RTTN: variants seen among roughly 807,000 people sequenced by gnomAD.
The protein encoded by RTTN is rotatin.
A neutral mutation model predicts 269.2 loss-of-function variants in RTTN; 182 were observed. The observed-to-expected ratio is 0.68, with a 90% confidence interval of 0.60 to 0.76. RTTN has a LOEUF of 0.76. Among genes scored for constraint, RTTN ranks in the 30% least tolerant of loss-of-function variants. The pLI, the probability that RTTN is intolerant of heterozygous loss-of-function variation, is 0.00. For synonymous variants in RTTN, 1,006 were observed against 963.5 expected (o/e 1.04, Z -0.82); for missense variants, 2,545 against 2,608.6 (o/e 0.98, Z 0.53).
chr18:70,115,256 C>A (rs2059574661), intron 26 of RTTN, among the ~76,000 whole-genome samples: 1 of 151,982 alleles, frequency 6.6e-6, no homozygotes, highest in South Asian at 2.1e-4. Context: ...TACAATTACA[C>A]AGGACATGAA....
intron 18 of RTTN, among the ~76,000 whole-genome samples, chr18:70,145,131 G>A (rs996366585): frequency 1.3e-5 from 2 of 152,096 alleles, no homozygotes; most frequent in African/African-American, 2.4e-5. Context: ...GGTGTGTGAG[G>A]GATCTTGGCT....
In RTTN at chr18:70,139,894, T is replaced by C. The variant is rs146622969; in HGVS notation, c.2671-178A>G. 7.9e-5 allele frequency: 49 copies of C among 620,524 alleles called. No individual in the cohort carries two copies. In the African/African-American group the frequency reaches 8.2e-4, roughly 10 times the overall value. 38.4% of individuals were successfully genotyped at this position (620,524 alleles called of 1,614,324 possible). ...TGAAAGTAAGTTTCGTATATACTTC[T>C]ATCACCTATCTTATGGAAATTTTAG... On this transcript the variant is annotated intron_variant, in intron 20 of 48. Transcript: ENST00000640769.
chr18:70,043,068 G>C (rs73964476), intron 40 of RTTN, among the ~76,000 whole-genome samples: 4,747 of 152,248 alleles, frequency 0.031, 282 homozygotes, highest in African/African-American at 0.11. Flanking sequence ...ACTGGTGAAT[G>C]GATATCCCAG....
In RTTN at chr18:70,124,913, G is replaced by A. The variant is rs546937408; in HGVS notation, c.3383+2589C>T. Among the ~76,000 whole-genome samples, 7 of 152,094 alleles carry A rather than the reference G, an allele frequency of 4.6e-5. No homozygotes were observed. The South Asian group carries it at 1.2e-3, about 27-fold the overall frequency. On this transcript the variant is annotated intron_variant, in intron 25 of 48. Transcript: ENST00000640769. ...CTTCCAGTAGGAAAGGAGTAGAGAG[G>A]CATTAAACATGCAAACTCAACAGAA...
intron 32 of RTTN, among the ~76,000 whole-genome samples, chr18:70,077,303 A>G (rs2058452765): frequency 6.6e-6 from 1 of 151,964 alleles, no homozygotes. Flanking sequence ...CAGTTACCAC[A>G]ACCCAAAATT....
chr18:70,203,060 G>C (rs2146194577), intron 3 of RTTN, among the ~76,000 whole-genome samples: 1 of 152,092 alleles, frequency 6.6e-6, no homozygotes, highest in Middle Eastern at 3.4e-3. Context: ...CCATGTGCAA[G>C]GCACTATACT....
Position 70,004,228 on chromosome 18 carries a change from T to C in RTTN, c.6604A>G (p.Asn2202Asp), listed in dbSNP as rs1163986942. The C allele has an allele frequency of 1.9e-6, 3 of 1,612,778 alleles. No individual in the cohort carries two copies. The highest frequency in any genetic ancestry group is 1.7e-6 in the Non-Finnish European group (2 of 1,178,918). ...GCATTTAGAGGGTTTGCTTCTGAGTTTGGGAAAGCTGAGATAGAAAAATAA... is the reference window on the plus strand; with the variant it reads ...GCATTTAGAGGGTTTGCTTCTGAGTCTGGGAAAGCTGAGATAGAAAAATAA... ...AYSLAKKTFP[N>D]SEANPLNAYY... is the part of the protein sequence containing the mutation. Residue 2202 changes from asparagine to aspartate, a missense_variant, in exon 49 of 49, where the codon AAC becomes GAC. Physicochemically the swap from Asn to Asp is conservative, Grantham distance 23. Coordinates refer to ENST00000640769, the MANE Select transcript of RTTN (RefSeq NM_173630.4).
intron 28 of RTTN, among the ~76,000 whole-genome samples, chr18:70,103,653 A>G (rs2145378655): frequency 6.6e-6 from 1 of 151,938 alleles, no homozygotes; most frequent in Middle Eastern, 3.4e-3. Context: ...TAGGAAAACC[A>G]GAGACCTTTG....
At chr18:70,089,316 G>A (rs866266059) in intron 30 of RTTN, among the ~76,000 whole-genome samples, 18 of 152,328 alleles carry the variant, frequency 1.2e-4, no homozygotes, top group Middle Eastern at 3.4e-3. Flanking sequence ...GTGCTCCAAG[G>A]AGAGGTCATA....
At chr18:70,091,181 G>A (rs2058835227) in intron 30 of RTTN, among the ~76,000 whole-genome samples, 2 of 152,254 alleles carry the variant, frequency 1.3e-5, no homozygotes, top group African/African-American at 4.8e-5. Context: ...TTGGGAATAA[G>A]TTAAGACTTT....
chr18:70,065,068 T>G (rs2065228566), intron 35 of RTTN, among the ~76,000 whole-genome samples: 1 of 152,090 alleles, frequency 6.6e-6, no homozygotes, highest in Non-Finnish European at 1.5e-5. Context: ...GGAACACTGT[T>G]TAGGAAATTA....
chr18:70,198,876 A>G (rs995194249), intron 5 of RTTN, among the ~76,000 whole-genome samples: 1 of 152,206 alleles, frequency 6.6e-6, no homozygotes, highest in Non-Finnish European at 1.5e-5. Context: ...CAAGGACTAC[A>G]CAAGAGTCCA....
intron 11 of RTTN, among the ~76,000 whole-genome samples, chr18:70,170,285 C>T (rs1319540098): frequency 6.6e-6 from 1 of 152,186 alleles, no homozygotes; most frequent in Non-Finnish European, 1.5e-5. Flanking sequence ...AAAATACAAC[C>T]TCTGCCCGCA....
chr18:70,182,067 G>C (rs962557850), intron 10 of RTTN, among the ~76,000 whole-genome samples: 5 of 152,028 alleles, frequency 3.3e-5, no homozygotes, highest in Non-Finnish European at 7.4e-5. Flanking sequence ...AAATTTACTT[G>C]TTGAAAATCT....
intron 14 of RTTN, among the ~76,000 whole-genome samples, chr18:70,155,045 C>T (rs2060638360): frequency 6.6e-6 from 1 of 152,160 alleles, no homozygotes; most frequent in African/African-American, 2.4e-5. Context: ...GCCCACCTAA[C>T]CCCAATTAGC....
intron 32 of RTTN, among the ~76,000 whole-genome samples, chr18:70,082,063 A>T (rs2058583479): frequency 6.6e-6 from 1 of 152,078 alleles, no homozygotes; most frequent in African/African-American, 2.4e-5. Context: ...TATAAATCTA[A>T]GTTTTTTCAA....
Position 70,145,203 on chromosome 18 carries a change from C to T in RTTN, c.2481+409G>A, listed in dbSNP as rs547581882. ...ATCTGTCACTGTCTCCCATTACCCC[C>T]ACATGGGACTGTCTAGTTGCAGAAA... is the stretch of plus-strand genomic sequence containing the variant. On this transcript the variant is annotated intron_variant, in intron 18 of 48. Transcript: ENST00000640769. 2.6e-5 allele frequency among the ~76,000 whole-genome samples: 4 copies of T among 152,354 alleles called. No individual in the cohort carries two copies. The South Asian group carries it at 6.2e-4, about 24-fold the overall frequency.
chr18:70,025,818 AGGT>A (rs2056837645), intron 43 of RTTN, among the ~76,000 whole-genome samples: 1 of 152,184 alleles, frequency 6.6e-6, no homozygotes, highest in Non-Finnish European at 1.5e-5. Context: ...AGTGACAAAG[AGGT>A]GTTCCACTTC....
chr18:70,085,942 T>C (rs1423083896), intron 32 of RTTN, among the ~76,000 whole-genome samples: 1 of 152,114 alleles, frequency 6.6e-6, no homozygotes, highest in Non-Finnish European at 1.5e-5. Context: ...TATACTTATG[T>C]AACAAACATG....
Sources: gnomAD v4.1 joint callset for allele counts (sites outside exome capture counted in the v4.1 genomes callset) on GRCh38, gnomAD v4.1.1 for gene constraint, MANE v1.5 for transcripts, NCBI Gene and HGNC (gene_info 2026-07-23, HGNC 2026-07-21) for gene names.